The following NRK variants were observed in gnomAD, a reference collection of about 807,000 sequenced individuals.
The protein encoded by NRK is nik-related protein kinase.
In NRK, 67 loss-of-function variants were observed where a neutral mutation model predicts 125.2. That is an observed-to-expected ratio of 0.54 (90% CI 0.44 to 0.66). The LOEUF (loss-of-function observed/expected upper bound fraction) is 0.66. Ranked by LOEUF, NRK falls within the 30% of genes least tolerant of loss-of-function variation. The probability of loss-of-function intolerance (pLI) is 0.00; values close to 1 mark genes in which losing one functional copy is unlikely to be tolerated. For missense variants in NRK, 1,224 were observed against 1,192.9 expected (o/e 1.03, Z -0.38); for synonymous variants, 458 against 429.0 (o/e 1.07, Z -0.84).
At position 105,843,699 on chromosome X, in the gene NRK, G is replaced by T. The variant is rs191631793; in HGVS notation, c.123+12580G>T. Among the ~76,000 whole-genome samples the T allele has an allele frequency of 3.8e-3, 420 of 111,398 alleles. 3 individuals carry two copies. The highest frequency in any genetic ancestry group is 0.013 in the African/African-American group (392 of 30,639). ...TGTTATTGGCATGGCCAAGTATAAG[G>T]ATGGCTTCAAGAGAGTCTCATACCA... On this transcript the variant is annotated intron_variant, in intron 2 of 28. Transcript: ENST00000243300.
intron 2 of NRK, among the ~76,000 whole-genome samples, chrX:105,874,002 G>A (rs1251463992): frequency 8.9e-6 from 1 of 112,101 alleles, no homozygotes; most frequent in Non-Finnish European, 1.9e-5. Context: ...ACAGTGATGT[G>A]CTTGATAACT....
intron 19 of NRK, among the ~76,000 whole-genome samples, chrX:105,932,449 G>C (rs1048302004): frequency 3.6e-5 from 4 of 112,269 alleles, no homozygotes; most frequent in Admixed American, 9.5e-5. Context: ...TTTAGACAAT[G>C]ATTTTGTCAT....
rs917736775 is a variant in NRK, at chrX:105,908,827, C to T, written c.1186C>T (p.Pro396Ser). ...HGEPSQPRWL[P>S]DREEPQVQAL... The stretch of plus-strand genomic sequence containing the variant: ...GGAACCCTCTCAGCCAAGGTGGCTA[C>T]CTGATCGAGAAGAGCCACAGGTCCA... Residue 396 changes from proline to serine, a missense_variant, in exon 13 of 29, where the codon CCT becomes TCT. Pro to Ser is a moderately conservative substitution (Grantham distance 74). Coordinates refer to ENST00000243300, the MANE Select transcript of NRK (RefSeq NM_198465.4). 9.1e-6 allele frequency: 11 copies of T among 1,208,434 alleles called. No homozygotes were observed. The Admixed American group carries it at 1.1e-4, about 12-fold the overall frequency.
In NRK at chrX:105,822,696, C is replaced by G. The variant is rs959508456; in HGVS notation, c.-150C>G. 2 of 570,222 alleles carry G rather than the reference C, an allele frequency of 3.5e-6. No homozygotes were observed. The highest frequency in any genetic ancestry group is 2.2e-5 in the African/African-American group (1 of 44,482). The allele number at this position is 570,222 out of a possible 1,213,427, so 47.0% of individuals were successfully genotyped here. ...CTTTTCACTACACGTTTCCCCTCCT[C>G]TATCTCCCACGCCACGAACCCCGAT... On this transcript the variant is annotated 5_prime_UTR_variant, in exon 1 of 29. Transcript: ENST00000243300.
At chrX:105,905,513 T>C (rs2040209264) in intron 10 of NRK, among the ~76,000 whole-genome samples, 170 bp downstream of exon 10, 2 of 112,811 alleles carry the variant, frequency 1.8e-5, no homozygotes, top group African/African-American at 6.4e-5. Flanking sequence ...CATTAAGAGG[T>C]AGCTAGCCAA....
intron 2 of NRK, among the ~76,000 whole-genome samples, chrX:105,848,985 A>G (rs2039435716): frequency 8.9e-6 from 1 of 112,199 alleles, no homozygotes; most frequent in Non-Finnish European, 1.9e-5. Flanking sequence ...CACTGAATCA[A>G]ATGAAAGCTT....
At chrX:105,908,210 G>A (rs1368497809) in intron 11 of NRK, 30 bp from the exon 12 acceptor site, 1 of 870,924 alleles carries the variant, frequency 1.1e-6, no homozygotes, top group Admixed American at 3.0e-5. Context: ...GACTGTTTAT[G>A]CATTATGTTT....
At chrX:105,868,508 A>G (rs2039700839) in intron 2 of NRK, among the ~76,000 whole-genome samples, 1 of 111,291 alleles carries the variant, frequency 9.0e-6, no homozygotes, top group African/African-American at 3.3e-5. Flanking sequence ...TTTTATCTAG[A>G]CGATTGCCTT....
At position 105,909,105 on chromosome X, in the gene NRK, T is replaced by A. The variant is rs369374012; in HGVS notation, c.1464T>A (p.Pro488=). Residue 488 remains proline, a synonymous_variant, in exon 13 of 29, where the codon CCT becomes CCA. Transcript: ENST00000243300. ...LMPLQAQVRA[P]RLLQVQSQVS... ...CACTACAGGCACAGGTTAGGGCACCTAGGCTTCTGCAGGTACAGTCCCAGG... is the reference window on the plus strand; with the variant it reads ...CACTACAGGCACAGGTTAGGGCACCAAGGCTTCTGCAGGTACAGTCCCAGG... 10 of 1,209,476 alleles carry A rather than the reference T, an allele frequency of 8.3e-6. No individual in the cohort carries two copies. Among genetic ancestry groups the A allele is most frequent in the Middle Eastern group, 2.3e-4 (1 of 4,350 alleles).
intron 16 of NRK, among the ~76,000 whole-genome samples, chrX:105,921,421 T>G (rs1323164123): frequency 9.4e-6 from 1 of 106,505 alleles, no homozygotes; most frequent in Non-Finnish European, 1.9e-5. Context: ...GCATGGCACA[T>G]GTATACATAT....
Position 105,831,095 on chromosome X carries a change from T to C in NRK, c.99T>C (p.Leu33=). The C allele has an allele frequency of 8.8e-7, 1 of 1,140,756 alleles. No homozygotes were observed. Among genetic ancestry groups the C allele is most frequent in the South Asian group, 1.9e-5 (1 of 53,468 alleles). The allele number at this position is 1,140,756 out of a possible 1,213,427, so 94.0% of individuals were successfully genotyped here. A position where few individuals can be genotyped will look rare whatever the true frequency, so the allele number is the denominator to read the frequency against. The change falls in exon 2 of 29, where the codon CTT becomes CTC. Residue 33 remains leucine (L), a synonymous_variant. Transcript: ENST00000243300. ...TCTCACTAGATAAAACCATTGGCCT[T>C]GGTACTTATGGCAGAATCTATTTGG... ...GIFSLDKTIG[L]GTYGRIYLGL... is the part of the protein sequence containing the mutation.
At position 105,945,864 on chromosome X, in the gene NRK, C is replaced by T. The variant is rs1332496076; in HGVS notation, c.4060-8C>T. 2 of 1,204,289 alleles carry T rather than the reference C, an allele frequency of 1.7e-6. No homozygotes were observed. The highest frequency in any genetic ancestry group is 5.9e-5 in the East Asian group (2 of 33,772). On this transcript the variant is annotated splice_region_variant and splice_polypyrimidine_tract_variant and intron_variant, in intron 24 of 28. Transcript: ENST00000243300. ...TTAACATGTCTGGCCCTTTTCATTCCCTACCAAGTATGCATTGATCAATCA... is the reference window on the plus strand; with the variant it reads ...TTAACATGTCTGGCCCTTTTCATTCTCTACCAAGTATGCATTGATCAATCA...
chrX:105,879,176 G>A (rs1168962177), intron 2 of NRK, among the ~76,000 whole-genome samples: 3 of 110,075 alleles, frequency 2.7e-5, no homozygotes, highest in East Asian at 2.9e-4. Flanking sequence ...TAAAGAAACC[G>A]GACATTGACC....
At chrX:105,948,096 G>A (rs1046679651) in intron 26 of NRK, among the ~76,000 whole-genome samples, 9 of 110,348 alleles carry the variant, frequency 8.2e-5, no homozygotes, top group Non-Finnish European at 1.3e-4. Context: ...TAAATGTTGC[G>A]TCAGATAGCT....
At chrX:105,864,567 A>AACACAT (rs908711810) in intron 2 of NRK, among the ~76,000 whole-genome samples, 1 of 111,324 alleles carries the variant, frequency 9.0e-6, no homozygotes, top group African/African-American at 3.3e-5. Flanking sequence ...TCTTAAGTAA[A>AACACAT]ACACATACAC....
intron 5 of NRK, among the ~76,000 whole-genome samples, chrX:105,889,685 A>G (rs1324612259): frequency 8.9e-6 from 1 of 112,377 alleles, no homozygotes; most frequent in Non-Finnish European, 1.9e-5. Flanking sequence ...CAGGCTCAAC[A>G]CCATGTGTAA....
intron 22 of NRK, among the ~76,000 whole-genome samples, chrX:105,938,411 C>A (rs1278251376): frequency 8.9e-6 from 1 of 111,989 alleles, no homozygotes; most frequent in Non-Finnish European, 1.9e-5. Context: ...CTTTGCTTTA[C>A]ATTTTGGTTA....
intron 4 of NRK, among the ~76,000 whole-genome samples, chrX:105,882,576 C>G (rs1391704357): frequency 1.8e-5 from 2 of 111,450 alleles, no homozygotes; most frequent in African/African-American, 3.3e-5. Flanking sequence ...CTCCTGCAGT[C>G]AGCTATACAT....
intron 2 of NRK, among the ~76,000 whole-genome samples, chrX:105,856,717 G>A (rs1342322417): frequency 9.0e-6 from 1 of 111,660 alleles, no homozygotes; most frequent in Non-Finnish European, 1.9e-5. Flanking sequence ...AGAATGTTTC[G>A]AATAGATGCT....
Sources: allele counts gnomAD v4.1 joint callset (sites outside exome capture counted in the v4.1 genomes callset), GRCh38; gene constraint gnomAD v4.1.1; transcripts MANE v1.5; gene names NCBI Gene and HGNC (gene_info 2026-07-23, HGNC 2026-07-21).